The following SMURF2 variants were observed in gnomAD, a reference collection of about 807,000 sequenced individuals.
The protein encoded by SMURF2 is SMAD specific E3 ubiquitin protein ligase 2, also known as E3 ubiquitin-protein ligase SMURF2.
A neutral mutation model predicts 109.6 loss-of-function variants in SMURF2; 48 were observed. The observed-to-expected ratio is 0.44, with a 90% confidence interval of 0.35 to 0.56. The LOEUF (loss-of-function observed/expected upper bound fraction) is 0.56, where lower values mean the gene tolerates loss of function less well. Ranked by LOEUF, SMURF2 falls within the 20% of genes least tolerant of loss-of-function variation. The pLI is 0.01. For missense variants in SMURF2, 575 were observed against 909.0 expected, an observed-to-expected ratio of 0.63 and a Z score of 4.72; for synonymous variants, 288 against 317.1, an observed-to-expected ratio of 0.91 and a Z score of 0.97.
intron 1 of SMURF2, among the ~76,000 whole-genome samples, chr17:64,646,594 G>A (rs1555692997): frequency 6.6e-6 from 1 of 150,890 alleles, no homozygotes; most frequent in African/African-American, 2.4e-5. Context: ...TGTTGCCCAG[G>A]CTGGTCTCGA....
rs1968973806 is a variant in SMURF2 at position 64,547,410 on chromosome 17, C to T, written c.2071+190G>A. 6.6e-6 allele frequency among the ~76,000 whole-genome samples: 1 copy of T among 152,112 alleles called. No individual in the cohort carries two copies. The highest frequency in any genetic ancestry group is 2.1e-4 in the South Asian group (1 of 4,820). Reference sequence around the variant, plus strand: ...CGGCACTCACTACAATCAGAGAAGCCCGCAGAAAAGGCTCTTGGGAAGGGA... The same window carrying T: ...CGGCACTCACTACAATCAGAGAAGCTCGCAGAAAAGGCTCTTGGGAAGGGA... On this transcript the variant is annotated intron_variant, in intron 17 of 18. Transcript: ENST00000262435. The surrounding 1 kb of genome is among the most constrained non-coding windows in gnomAD (Gnocchi z 4.2).
intron 10 of SMURF2, among the ~76,000 whole-genome samples, chr17:64,568,552 C>T (rs151265730): frequency 2.6e-5 from 4 of 152,262 alleles, no homozygotes; most frequent in African/African-American, 9.6e-5. Context: ...ATGGGATACA[C>T]GTCTTCTTAA....
At chr17:64,596,806 G>C (rs1969825298) in intron 3 of SMURF2, among the ~76,000 whole-genome samples, 2 of 151,954 alleles carry the variant, frequency 1.3e-5, no homozygotes, top group African/African-American at 4.8e-5. Context: ...ATGGAGAAAA[G>C]ATCTTTAGTT....
Position 64,662,039 on chromosome 17 carries a change from C to T in SMURF2, c.-159G>A. 9.0e-7 allele frequency: 1 copy of T among 1,115,704 alleles called. No individual in the cohort carries two copies. Among genetic ancestry groups the T allele is most frequent in the Non-Finnish European group, 1.1e-6 (1 of 913,754 alleles). 69.1% of individuals were successfully genotyped at this position (1,115,704 alleles called of 1,614,324 possible). ...ATGTGCCGAGAGTCGTCGCCATGAGCCGCGGAGGGAGCGGGACGCCGAGCT... is the reference window on the plus strand; with the variant it reads ...ATGTGCCGAGAGTCGTCGCCATGAGTCGCGGAGGGAGCGGGACGCCGAGCT... On this transcript the variant is annotated 5_prime_UTR_variant, in exon 1 of 19. Transcript: ENST00000262435.
intron 1 of SMURF2, among the ~76,000 whole-genome samples, chr17:64,638,062 C>CTTTTTTTTTT (rs1195172818): frequency 2.0e-5 from 2 of 102,422 alleles, no homozygotes; most frequent in Non-Finnish European, 3.9e-5. Context: ...TTTCCTTTTT[C>CTTTTTTTTTT]TTTTTTTTTT....
chr17:64,586,448 CTTAA>C (rs532643708), intron 5 of SMURF2, among the ~76,000 whole-genome samples: 10 of 152,194 alleles, frequency 6.6e-5, no homozygotes, highest in Non-Finnish European at 1.3e-4. Flanking sequence ...CACTACTGTA[CTTAA>C]TTAAGAAGAG....
At chr17:64,559,184 CAAAT>C (rs577775777) in intron 12 of SMURF2, among the ~76,000 whole-genome samples, 156 of 152,162 alleles carry the variant, frequency 1.0e-3, no homozygotes, top group African/African-American at 3.6e-3. Context: ...ATTTAGAACA[CAAAT>C]AAGAGCAGAA....
At chr17:64,576,712 T>TC (rs1272273568) in intron 9 of SMURF2, among the ~76,000 whole-genome samples, 1 of 152,088 alleles carries the variant, frequency 6.6e-6, no homozygotes, top group Non-Finnish European at 1.5e-5. Flanking sequence ...AAAAATGGAA[T>TC]TTTATTAAGG....
At chr17:64,608,618 CA>C (rs1297381969) in intron 1 of SMURF2, among the ~76,000 whole-genome samples, 1 of 152,054 alleles carries the variant, frequency 6.6e-6, no homozygotes, top group Non-Finnish European at 1.5e-5. Context: ...TTTTTTTAAA[CA>C]AACCACTATC....
chr17:64,567,496 A>G (rs1180817510), intron 10 of SMURF2, among the ~76,000 whole-genome samples: 1 of 152,204 alleles, frequency 6.6e-6, no homozygotes, highest in Non-Finnish European at 1.5e-5. Context: ...CTATTCAGCA[A>G]AAAGATGGAA....
chr17:64,561,750 A>G, intron 11 of SMURF2, 147 bp from the exon 12 acceptor site: 1 of 585,648 alleles, frequency 1.7e-6, no homozygotes, highest in East Asian at 2.9e-5. Flanking sequence ...TAATCCCAAC[A>G]CTTTGGGAGG....
rs529924468 is a variant in SMURF2, at chr17:64,590,210, T to C, written c.400+874A>G. Among the ~76,000 whole-genome samples the C allele has an allele frequency of 5.1e-3, 776 of 150,956 alleles. 4 individuals are homozygous for C. The highest frequency in any genetic ancestry group is 0.018 in the African/African-American group (731 of 40,796). Reference sequence around the variant, plus strand: ...CAGCTGGAGTGCAATGGTGTGATCATGGCTCACTGCAACCTTCGCCTCCTG... The same window carrying C: ...CAGCTGGAGTGCAATGGTGTGATCACGGCTCACTGCAACCTTCGCCTCCTG... On this transcript the variant is annotated intron_variant, in intron 5 of 18. Transcript: ENST00000262435.
At chr17:64,611,977 G>A (rs995288879) in intron 1 of SMURF2, among the ~76,000 whole-genome samples, 2 of 151,948 alleles carry the variant, frequency 1.3e-5, no homozygotes, top group African/African-American at 4.8e-5. Flanking sequence ...CAGCCTTCAC[G>A]TGCCATTCTC....
chr17:64,655,852 G>A (rs142953404), intron 1 of SMURF2, among the ~76,000 whole-genome samples: 9 of 152,194 alleles, frequency 5.9e-5, no homozygotes, highest in East Asian at 3.9e-4. Context: ...CCAAGATCAC[G>A]CCACTGTACT....
intron 1 of SMURF2, among the ~76,000 whole-genome samples, chr17:64,624,803 G>A (rs1234635144): frequency 6.6e-6 from 1 of 152,010 alleles, no homozygotes; most frequent in Non-Finnish European, 1.5e-5. Context: ...TCCAGCCTGG[G>A]CAACAGAGCA....
intron 1 of SMURF2, among the ~76,000 whole-genome samples, chr17:64,610,084 A>C (rs1275259882): frequency 2.0e-5 from 3 of 152,096 alleles, no homozygotes; most frequent in Admixed American, 2.0e-4. Flanking sequence ...TTAGAATGGC[A>C]ATCATTAAAA....
intron 1 of SMURF2, among the ~76,000 whole-genome samples, chr17:64,659,535 TTTA>T (rs1402542204): frequency 6.6e-6 from 1 of 150,576 alleles, no homozygotes; most frequent in Non-Finnish European, 1.5e-5. Context: ...TTTTTTTTTT[TTTA>T]AACAAAATGA....
chr17:64,559,005 C>T (rs1969168183), intron 12 of SMURF2, among the ~76,000 whole-genome samples: 1 of 152,030 alleles, frequency 6.6e-6, no homozygotes, highest in Non-Finnish European at 1.5e-5. Flanking sequence ...AATTAAATTA[C>T]TACCATTATG....
chr17:64,567,853 C>CTT lies in SMURF2; in HGVS notation c.1016+3943_1016+3944dup, dbSNP rs1173742917. Among the ~76,000 whole-genome samples, 282 of 112,162 alleles carry CTT rather than the reference C, an allele frequency of 2.5e-3. 19 individuals carry two copies. The highest frequency in any genetic ancestry group is 8.2e-3 in the African/African-American group (214 of 25,994). 73.6% of individuals were successfully genotyped at this position (112,162 alleles called of 152,430 possible). ...TACAGGCACCCGCCACCACACCTGGCTTTTTTTTTTTTTTTTTTTGAGACG... is the reference window on the plus strand; with the variant it reads ...TACAGGCACCCGCCACCACACCTGGCTTTTTTTTTTTTTTTTTTTTTGAGACG... On this transcript the variant is annotated intron_variant, in intron 10 of 18. Transcript: ENST00000262435.
Sources: gnomAD v4.1 joint callset for allele counts (sites outside exome capture counted in the v4.1 genomes callset) on GRCh38, gnomAD v4.1.1 for gene constraint, Gnocchi (gnomAD v3.1) non-coding constraint, MANE v1.5 for transcripts, NCBI Gene and HGNC (gene_info 2026-07-23, HGNC 2026-07-21) for gene names.